The following NTM variants were observed in gnomAD, a reference collection of about 807,000 sequenced individuals.
NTM encodes neurotrimin, also known as IgLON family member 2.
In NTM, 13 loss-of-function variants were observed where a neutral mutation model predicts 42.1. The ratio of observed to expected loss-of-function variants is 0.31; its 90% CI spans 0.20 to 0.49. NTM has a LOEUF of 0.49. NTM is among the 20% of genes least tolerant of loss of function. NTM has a pLI of 0.99. For synonymous variants in NTM, 187 were observed against 179.2 expected, an observed-to-expected ratio of 1.04 and a Z score of -0.35; for missense variants, 373 against 452.8, an observed-to-expected ratio of 0.82 and a Z score of 1.60.
chr11:131,901,997 G>A (rs531253386), intron 1 of NTM, among the ~76,000 whole-genome samples: 1 of 152,172 alleles, frequency 6.6e-6, no homozygotes, highest in Admixed American at 6.5e-5. Flanking sequence ...ACCCCAGGTT[G>A]GGAAAGAAGC....
At chr11:131,876,488 A>G (rs2048559268) in intron 1 of NTM, among the ~76,000 whole-genome samples, 1 of 152,246 alleles carries the variant, frequency 6.6e-6, no homozygotes, top group Non-Finnish European at 1.5e-5. Flanking sequence ...TGATCATGAA[A>G]AGACCAATTA....
In NTM at chr11:132,275,003, T is replaced by C. The variant is rs1033222049; in HGVS notation, c.527-32686T>C. Among the ~76,000 whole-genome samples, 5 of 152,280 alleles carry C rather than the reference T, an allele frequency of 3.3e-5. No individual in the cohort carries two copies. The South Asian group carries it at 6.2e-4, about 19-fold the overall frequency. ...TGGGATACAAGCACCTTGCCAGATA[T>C]ATTTGGATTGCAAACATTTCATTTC... is the stretch of plus-strand genomic sequence containing the variant. On this transcript the variant is annotated intron_variant, in intron 4 of 8. Transcript: ENST00000683400.
rs2070900580 is a variant in NTM at position 132,147,870 on chromosome 11, G to A, written c.400+1356G>A. Among the ~76,000 whole-genome samples, 4 of 152,308 alleles carry A rather than the reference G, an allele frequency of 2.6e-5. No homozygotes were observed. In the South Asian group the frequency reaches 6.2e-4, roughly 24 times the overall value. ...GAAGGCAGCTTGAGAAGGAAGAACT[G>A]AAGTGAGCCGGAAGAAGGAAGGGGA... On this transcript the variant is annotated intron_variant, in intron 3 of 8. Coordinates refer to ENST00000683400, the MANE Select transcript of NTM (RefSeq NM_001352005.2).
chr11:131,443,101 G>A (rs377080966), intron 1 of NTM, among the ~76,000 whole-genome samples: 16 of 152,042 alleles, frequency 1.1e-4, no homozygotes, highest in Non-Finnish European at 1.5e-4. Flanking sequence ...TTCCATCTCC[G>A]TCTTCAGAAC....
intron 2 of NTM, among the ~76,000 whole-genome samples, chr11:132,121,626 G>A (rs2064839266): frequency 6.6e-6 from 1 of 152,084 alleles, no homozygotes; most frequent in African/African-American, 2.4e-5. Context: ...TTCTACCTCA[G>A]AACCTTTAAT....
rs368420006 is a variant in NTM at position 131,622,449 on chromosome 11, C to A, written c.82+251561C>A. On this transcript the variant is annotated intron_variant, in intron 1 of 8. Transcript: ENST00000683400. Reference sequence around the variant, plus strand: ...GCTCCGTGTCGCCAAGATTCAACAGCATTTGGGGAAAGAATGAACAAATAA... The same window carrying A: ...GCTCCGTGTCGCCAAGATTCAACAGAATTTGGGGAAAGAATGAACAAATAA... 1.2e-4 allele frequency among the ~76,000 whole-genome samples: 18 copies of A among 152,286 alleles called. No individual in the cohort carries two copies. The South Asian group carries it at 3.3e-3, about 28-fold the overall frequency.
intron 2 of NTM, among the ~76,000 whole-genome samples, chr11:132,105,960 T>G (rs2062322091): frequency 6.6e-6 from 1 of 152,186 alleles, no homozygotes; most frequent in Admixed American, 6.5e-5. Context: ...GTCCCTGCTG[T>G]AATCCCAGGC....
intron 1 of NTM, among the ~76,000 whole-genome samples, chr11:131,423,471 G>A (rs1356697181): frequency 2.0e-5 from 3 of 152,144 alleles, no homozygotes; most frequent in Non-Finnish European, 4.4e-5. Flanking sequence ...GGCTGATGTC[G>A]TTAAACTGTT....
chr11:131,999,863 T>C (rs761447898), intron 2 of NTM, among the ~76,000 whole-genome samples: 1 of 152,238 alleles, frequency 6.6e-6, no homozygotes, highest in African/African-American at 2.4e-5. Flanking sequence ...TGGAGAGATT[T>C]GACAGGCTTT....
At chr11:131,907,995 A>G (rs1176014072) in intron 1 of NTM, among the ~76,000 whole-genome samples, 1 of 152,208 alleles carries the variant, frequency 6.6e-6, no homozygotes. Flanking sequence ...ACCTTTCACC[A>G]CTTTCTAAAC....
intron 1 of NTM, among the ~76,000 whole-genome samples, chr11:131,725,517 T>G (rs540306299): frequency 2.5e-4 from 38 of 152,022 alleles, no homozygotes; most frequent in Non-Finnish European, 5.1e-4. Flanking sequence ...TGTCGACATC[T>G]CAGATAGAGG....
intron 2 of NTM, among the ~76,000 whole-genome samples, chr11:132,014,955 TAA>T (rs2135460450): frequency 6.6e-6 from 1 of 151,884 alleles, no homozygotes; most frequent in South Asian, 2.1e-4. Flanking sequence ...CTTAGCCATA[TAA>T]TTCTTGTCTA....
intron 1 of NTM, among the ~76,000 whole-genome samples, chr11:131,429,186 G>C (rs1280095916): frequency 6.6e-6 from 1 of 152,212 alleles, no homozygotes; most frequent in African/African-American, 2.4e-5. Flanking sequence ...TTGAGGGATG[G>C]TGACAAGAAA....
At chr11:131,570,449 G>A (rs1209179086) in intron 1 of NTM, among the ~76,000 whole-genome samples, 1 of 152,186 alleles carries the variant, frequency 6.6e-6, no homozygotes, top group East Asian at 1.9e-4. Context: ...GATGCTTTTA[G>A]AACAAATTAA....
rs1227884291 is a variant in NTM at position 131,411,064 on chromosome 11, G to A, written c.82+40176G>A. On this transcript the variant is annotated intron_variant, in intron 1 of 8. Coordinates refer to ENST00000683400, the MANE Select transcript of NTM (RefSeq NM_001352005.2). ...ATCCTCATATCCATGACTTGGCCAT[G>A]TTCTGATGCAGTTTTGTCCCTGGGG... 2.0e-5 allele frequency among the ~76,000 whole-genome samples: 3 copies of A among 152,160 alleles called. No individual in the cohort carries two copies. In the East Asian group the frequency reaches 5.8e-4, roughly 29 times the overall value.
chr11:132,014,949 G>T (rs2073101901), intron 2 of NTM, among the ~76,000 whole-genome samples: 2 of 151,558 alleles, frequency 1.3e-5, no homozygotes, highest in Non-Finnish European at 1.5e-5. Flanking sequence ...TGAGATCTTA[G>T]CCATATAATT....
intron 1 of NTM, among the ~76,000 whole-genome samples, chr11:131,381,484 T>G (rs1219823201): frequency 6.6e-6 from 1 of 152,214 alleles, no homozygotes; most frequent in Non-Finnish European, 1.5e-5. Flanking sequence ...CATTCTACAT[T>G]TCCTCTTCCT....
chr11:131,614,844 A>G (rs555065228), intron 1 of NTM, among the ~76,000 whole-genome samples: 91 of 152,308 alleles, frequency 6.0e-4, no homozygotes, highest in African/African-American at 2.1e-3. Context: ...AAAGTGAGAC[A>G]CTGGAGATGC....
At chr11:131,437,818 T>C (rs1314082178) in intron 1 of NTM, among the ~76,000 whole-genome samples, 2 of 152,346 alleles carry the variant, frequency 1.3e-5, no homozygotes, top group East Asian at 3.9e-4. Context: ...GTGAATTTGA[T>C]CCTGTCAATA....
Sources: gnomAD v4.1 joint callset for allele counts (sites outside exome capture counted in the v4.1 genomes callset) on GRCh38, gnomAD v4.1.1 for gene constraint, MANE v1.5 for transcripts, NCBI Gene and HGNC (gene_info 2026-07-23, HGNC 2026-07-21) for gene names.